Variants in AP3B1 observed in about 807,000 individuals in gnomAD.
The protein encoded by AP3B1 is adaptor related protein complex 3 subunit beta 1.
Under a neutral mutation model 132.5 loss-of-function variants are expected in AP3B1, and 61 were observed. The ratio of observed to expected loss-of-function variants is 0.46; its 90% CI spans 0.37 to 0.57. The LOEUF (loss-of-function observed/expected upper bound fraction) is 0.57, where lower values mean the gene tolerates loss of function less well. Ranked by LOEUF, AP3B1 falls within the 20% of genes least tolerant of loss-of-function variation. The probability of loss-of-function intolerance (pLI) is 0.00; values close to 1 mark genes in which losing one functional copy is unlikely to be tolerated. For synonymous variants in AP3B1, 388 were observed against 438.3 expected, an observed-to-expected ratio of 0.89 and a Z score of 1.43; for missense variants, 1,120 against 1,289.4, an observed-to-expected ratio of 0.87 and a Z score of 2.01.
chr5:78,041,214 C>A lies in AP3B1; in HGVS notation c.2578-1940G>T, dbSNP rs536875125. On this transcript the variant is annotated intron_variant, in intron 22 of 26. Coordinates refer to ENST00000255194, the MANE Select transcript of AP3B1 (RefSeq NM_003664.5). Reference sequence around the variant, plus strand: ...GCTTGAACCTGGGAGGCGGAGGTTGCTGTGGGCTGAGATCGCGCCATTGCA... The same window carrying A: ...GCTTGAACCTGGGAGGCGGAGGTTGATGTGGGCTGAGATCGCGCCATTGCA... Among the ~76,000 whole-genome samples, 413 of 151,192 alleles carry A rather than the reference C, an allele frequency of 2.7e-3. 13 individuals carry two copies. Among genetic ancestry groups the A allele is most frequent in the Non-Finnish European group, 7.1e-4 (48 of 67,912 alleles).
intron 2 of AP3B1, among the ~76,000 whole-genome samples, chr5:78,265,215 T>G (rs1007857875): frequency 8.6e-5 from 13 of 151,078 alleles, no homozygotes. Flanking sequence ...GGTGGGAAGA[T>G]CAAGTAAAAC....
intron 3 of AP3B1, among the ~76,000 whole-genome samples, chr5:78,236,094 T>C (rs571364564): frequency 6.6e-6 from 1 of 152,148 alleles, no homozygotes; most frequent in African/African-American, 2.4e-5. Flanking sequence ...CCAAAACAAA[T>C]AGACCAATAA....
intron 22 of AP3B1, among the ~76,000 whole-genome samples, chr5:78,051,281 T>C (rs1748572128): frequency 6.6e-6 from 1 of 152,142 alleles, no homozygotes; most frequent in Non-Finnish European, 1.5e-5. Context: ...TTTTTAACAC[T>C]TCACTAAAAA....
intron 22 of AP3B1, among the ~76,000 whole-genome samples, chr5:78,077,608 T>C (rs940472189): frequency 5.3e-5 from 8 of 152,202 alleles, no homozygotes; most frequent in South Asian, 2.1e-4. Context: ...AAACCCTACA[T>C]TGAAATACTG....
intron 22 of AP3B1, among the ~76,000 whole-genome samples, chr5:78,081,553 T>C (rs1750007122): frequency 6.6e-6 from 1 of 152,086 alleles, no homozygotes; most frequent in African/African-American, 2.4e-5. Context: ...CGCCTCGGCC[T>C]TCCAAAGTGC....
chr5:78,205,978 C>A (rs1437475180), intron 7 of AP3B1, among the ~76,000 whole-genome samples: 1 of 151,456 alleles, frequency 6.6e-6, no homozygotes, highest in African/African-American at 2.4e-5. Flanking sequence ...AGGACATCAA[C>A]CCAAGAAAAC....
intron 9 of AP3B1, among the ~76,000 whole-genome samples, chr5:78,176,654 T>C (rs184427884): frequency 1.3e-5 from 2 of 152,184 alleles, no homozygotes; most frequent in East Asian, 3.8e-4. Flanking sequence ...AATGTCTGAA[T>C]TAAACCTGAA....
intron 15 of AP3B1, among the ~76,000 whole-genome samples, chr5:78,132,844 T>C (rs1580389268): frequency 6.6e-6 from 1 of 152,254 alleles, no homozygotes; most frequent in Non-Finnish European, 1.5e-5. Context: ...TAGCACTTTA[T>C]TGTTTGTTAA....
chr5:78,095,485 C>G (rs1750732464), intron 21 of AP3B1, among the ~76,000 whole-genome samples: 1 of 152,182 alleles, frequency 6.6e-6, no homozygotes, highest in African/African-American at 2.4e-5. Flanking sequence ...AGGAGGCATA[C>G]AGTGAAGTTG....
intron 22 of AP3B1, among the ~76,000 whole-genome samples, chr5:78,050,654 G>A (rs1748542583): frequency 1.3e-5 from 2 of 151,890 alleles, no homozygotes; most frequent in African/African-American, 4.8e-5. Context: ...GCTTATTGAG[G>A]GACTTCTATA....
chr5:78,117,291 G>T (rs1751894116), intron 17 of AP3B1, among the ~76,000 whole-genome samples: 1 of 150,104 alleles, frequency 6.7e-6, no homozygotes, highest in South Asian at 2.1e-4. Context: ...GGAGAGCAGG[G>T]AATTTAAAAT....
At chr5:78,054,297 G>T (rs1748713419) in intron 22 of AP3B1, among the ~76,000 whole-genome samples, 1 of 152,128 alleles carries the variant, frequency 6.6e-6, no homozygotes, top group African/African-American at 2.4e-5. Context: ...AGATGATGGT[G>T]GGCCAGAGAG....
intron 22 of AP3B1, among the ~76,000 whole-genome samples, chr5:78,051,621 T>G (rs1045612274): frequency 6.6e-6 from 1 of 152,152 alleles, no homozygotes; most frequent in Non-Finnish European, 1.5e-5. Flanking sequence ...ATGAAAACAA[T>G]GTTTCCCAGC....
chr5:78,239,422 G>A (rs1051082099), intron 3 of AP3B1, among the ~76,000 whole-genome samples: 4 of 143,158 alleles, frequency 2.8e-5, no homozygotes, highest in Admixed American at 7.3e-5. Context: ...AGTAAGCCAC[G>A]ATCATGCCAC....
At chr5:78,083,263 T>C (rs758144910) in intron 22 of AP3B1, among the ~76,000 whole-genome samples, 2 of 152,230 alleles carry the variant, frequency 1.3e-5, no homozygotes, top group East Asian at 1.9e-4. Flanking sequence ...AGGTTTCATG[T>C]TGATGTTTAC....
chr5:78,255,163 C>G (rs1747799908), intron 2 of AP3B1, among the ~76,000 whole-genome samples: 1 of 150,802 alleles, frequency 6.6e-6, no homozygotes, highest in African/African-American at 2.5e-5. Flanking sequence ...CACTAGAAGA[C>G]AGGAAGGAAA....
chr5:78,110,255 T>C lies in AP3B1; in HGVS notation c.2349A>G (p.Glu783=). Residue 783 remains glutamate (E), a synonymous_variant, in exon 20 of 27, where the codon GAA becomes GAG. Coordinates refer to ENST00000255194, the MANE Select transcript of AP3B1 (RefSeq NM_003664.5). ...SSIEDSSSDS[E]SESEPESESE... ...ATTCACTTTCAGGTTCTGACTCTGATTCAGAATCGGAAGAACTGTCTTCTA... is the reference window on the plus strand; with the variant it reads ...ATTCACTTTCAGGTTCTGACTCTGACTCAGAATCGGAAGAACTGTCTTCTA... The C allele has an allele frequency of 6.2e-7, 1 of 1,608,784 alleles. No homozygotes were observed. Among genetic ancestry groups the C allele is most frequent in the Non-Finnish European group, 8.5e-7 (1 of 1,176,694 alleles).
At chr5:78,045,472 C>T (rs1396657608) in intron 22 of AP3B1, among the ~76,000 whole-genome samples, 1 of 151,580 alleles carries the variant, frequency 6.6e-6, no homozygotes, top group Non-Finnish European at 1.5e-5. Flanking sequence ...CATATTACGC[C>T]AAACTTCTCC....
At chr5:78,259,874 G>A (rs1748009606) in intron 2 of AP3B1, among the ~76,000 whole-genome samples, 1 of 152,122 alleles carries the variant, frequency 6.6e-6, no homozygotes, top group Non-Finnish European at 1.5e-5. Flanking sequence ...GGAGGCTGAG[G>A]CAGGAGGATC....
Sources: allele counts gnomAD v4.1 joint callset (sites outside exome capture counted in the v4.1 genomes callset), GRCh38; gene constraint gnomAD v4.1.1; transcripts MANE v1.5; gene names NCBI Gene and HGNC (gene_info 2026-07-23, HGNC 2026-07-21).